CCDC158: variants seen among roughly 807,000 people sequenced by gnomAD.
CCDC158 encodes the protein coiled-coil domain-containing protein 158.
A neutral mutation model predicts 138.6 loss-of-function variants in CCDC158; 116 were observed. The observed-to-expected ratio is 0.84, with a 90% CI of 0.72 to 0.98. The LOEUF (loss-of-function observed/expected upper bound fraction) is 0.98. Among genes scored for constraint, CCDC158 ranks in the 50% least tolerant of loss-of-function variants. The probability of loss-of-function intolerance (pLI) is 0.00; values close to 1 mark genes in which losing one functional copy is unlikely to be tolerated. For missense variants in CCDC158, 1,265 were observed against 1,306.1 expected (o/e 0.97, Z 0.48); for synonymous variants, 436 against 442.4 (o/e 0.99, Z 0.18).
chr4:76,369,389 ATTGT>A, intron 11 of CCDC158, 33 bp downstream of exon 11: 2 of 1,596,278 alleles, frequency 1.3e-6, no homozygotes, highest in Non-Finnish European at 1.7e-6. Context: ...CCCAGAGGAG[ATTGT>A]TTGGCGATGG....
Position 76,403,210 on chromosome 4 carries a change from TA to T in CCDC158, c.-4del. The T allele has an allele frequency of 6.3e-7, 1 of 1,578,114 alleles. No homozygotes were observed. ...GATTCCCAAGCTTTTGATTCCATATTAAATATTGCTACTTCTTATTAGAGAT... is the reference window on the plus strand; with the variant it reads ...GATTCCCAAGCTTTTGATTCCATATTAATATTGCTACTTCTTATTAGAGAT... On this transcript the variant is annotated 5_prime_UTR_variant, in exon 3 of 25. Coordinates refer to ENST00000682701, the MANE Select transcript of CCDC158 (RefSeq NM_001394954.1).
intron 13 of CCDC158, among the ~76,000 whole-genome samples, chr4:76,360,074 G>C (rs1035881369): frequency 6.6e-6 from 1 of 152,246 alleles, no homozygotes; most frequent in East Asian, 1.9e-4. Context: ...AGCTGCTCCA[G>C]TTCCAACTCT....
intron 18 of CCDC158, among the ~76,000 whole-genome samples, chr4:76,339,358 T>C (rs566948126): frequency 6.6e-6 from 1 of 152,286 alleles, no homozygotes; most frequent in Admixed American, 6.5e-5. Context: ...GAAGCTGCAG[T>C]TCAAAAGGTG....
chr4:76,335,573 G>A (rs1220379517), intron 18 of CCDC158, among the ~76,000 whole-genome samples: 1 of 151,898 alleles, frequency 6.6e-6, no homozygotes, highest in Non-Finnish European at 1.5e-5. Flanking sequence ...AATACATAAG[G>A]TTTTTTTGTT....
intron 22 of CCDC158, among the ~76,000 whole-genome samples, chr4:76,327,309 TTTTA>T (rs1720617178): frequency 1.3e-5 from 2 of 152,210 alleles, no homozygotes; most frequent in African/African-American, 4.8e-5. Context: ...TTTGCAATTA[TTTTA>T]TTTAAGAATA....
intron 18 of CCDC158, among the ~76,000 whole-genome samples, chr4:76,338,103 C>CTGCA (rs1282114703): frequency 6.6e-6 from 1 of 152,222 alleles, no homozygotes; most frequent in Non-Finnish European, 1.5e-5. Flanking sequence ...CTCTTGTGAA[C>CTGCA]TGCACATGCA....
intron 18 of CCDC158, among the ~76,000 whole-genome samples, chr4:76,339,720 C>A (rs114979956): frequency 0.024 from 3,582 of 152,296 alleles, 136 homozygotes; most frequent in African/African-American, 0.082. Flanking sequence ...TTTCACTGCT[C>A]TGGTCAAAGA....
intron 4 of CCDC158, among the ~76,000 whole-genome samples, chr4:76,385,199 A>AT (rs1415581130): frequency 6.6e-6 from 1 of 152,202 alleles, no homozygotes; most frequent in Non-Finnish European, 1.5e-5. Flanking sequence ...AAGCCATCAA[A>AT]TTCTGCCCAT....
rs1228072538 is a variant in CCDC158 at position 76,384,086 on chromosome 4, A to C, written c.726+2T>G. The C allele has an allele frequency of 1.9e-6, 3 of 1,570,402 alleles. No homozygotes were observed. Among genetic ancestry groups the C allele is most frequent in the Non-Finnish European group, 2.6e-6 (3 of 1,146,266 alleles). On this transcript the variant is annotated splice_donor_variant, in intron 6 of 24. Transcript: ENST00000682701. LOFTEE classifies it high-confidence loss of function. ...TATTTAAGTAGCATTCTCACCACTT[A>C]CTGGAAATATCCTCCCTTTAAGATA...
chr4:76,382,542 A>G, intron 8 of CCDC158, 68 bp downstream of exon 8: 1 of 983,548 alleles, frequency 1.0e-6, no homozygotes, highest in Non-Finnish European at 1.6e-6. Context: ...AAGATTATAG[A>G]ACAGAAAGTT....
At chr4:76,332,539 A>G (rs759850100) in intron 19 of CCDC158, 48 bp from the exon 20 acceptor site, 2 of 1,389,272 alleles carry the variant, frequency 1.4e-6, no homozygotes, top group East Asian at 4.8e-5. Context: ...GCACAATTTC[A>G]TCCATGTCTT....
Position 76,325,907 on chromosome 4 carries a change from G to A in CCDC158, c.3119C>T (p.Thr1040Ile), listed in dbSNP as rs753467459. The A allele has an allele frequency of 1.9e-6, 3 of 1,613,628 alleles. No homozygotes were observed. The highest frequency in any genetic ancestry group is 4.5e-5 in the East Asian group (2 of 44,864). ...AGGTTTGGCAGATCTATACTGTGATGTGGAACCTATTGAACCTTCAACTGA... is the reference window on the plus strand; with the variant it reads ...AGGTTTGGCAGATCTATACTGTGATATGGAACCTATTGAACCTTCAACTGA... The part of the protein sequence containing the change: ...TSSVEGSIGS[T>I]SQYRSAKPIH... Residue 1040 changes from threonine to isoleucine, a missense_variant, in exon 23 of 25, where the codon ACA (threonine) becomes ATA (isoleucine). By Grantham distance (89) the Thr-to-Ile change is moderately conservative. Transcript: ENST00000682701.
chr4:76,367,693 C>A lies in CCDC158; in HGVS notation c.1431G>T (p.Leu477=). The A allele has an allele frequency of 6.2e-7, 1 of 1,614,126 alleles. No homozygotes were observed. Among genetic ancestry groups the A allele is most frequent in the Non-Finnish European group, 8.5e-7 (1 of 1,180,022 alleles). ...CTGTCAACTCTTCTACTACTTTGCG[C>A]AGCATCTCTTTGGTGGATTCAAGCT... ...TAQLESTKEM[L]RKVVEELTAK... Residue 477 remains leucine (L), a synonymous_variant, in exon 12 of 25, where the codon CTG becomes CTT. Transcript: ENST00000682701.
intron 18 of CCDC158, among the ~76,000 whole-genome samples, chr4:76,341,435 A>G (rs943587989): frequency 6.6e-6 from 1 of 152,240 alleles, no homozygotes; most frequent in Admixed American, 6.5e-5. Context: ...TACCATTTAC[A>G]TAATATATTA....
At chr4:76,386,695 G>T (rs948031943) in intron 4 of CCDC158, among the ~76,000 whole-genome samples, 1 of 137,712 alleles carries the variant, frequency 7.3e-6, no homozygotes, top group African/African-American at 2.7e-5. Context: ...ATTGAGGAGG[G>T]CAGGAGAGAC....
At chr4:76,386,048 T>C (rs2110319311) in intron 4 of CCDC158, among the ~76,000 whole-genome samples, 1 of 152,332 alleles carries the variant, frequency 6.6e-6, no homozygotes, top group Non-Finnish European at 1.5e-5. Flanking sequence ...TTCTCAGACA[T>C]GCAAAGATGC....
intron 20 of CCDC158, 56 bp from the exon 21 acceptor site, chr4:76,331,459 A>G: frequency 6.9e-7 from 1 of 1,454,432 alleles, no homozygotes; most frequent in Non-Finnish European, 9.6e-7. Flanking sequence ...TTCCTTACCA[A>G]TATAACAAAA....
In CCDC158 at chr4:76,382,595, T is replaced by C; in HGVS notation, c.914+15A>G. 1 of 1,490,062 alleles carries C rather than the reference T, an allele frequency of 6.7e-7. No homozygotes were observed. The highest frequency in any genetic ancestry group is 9.4e-7 in the Non-Finnish European group (1 of 1,069,198). 92.3% of individuals were successfully genotyped at this position (1,490,062 alleles called of 1,614,324 possible). ...TAAAATGAAGATGAATGACTAACAG[T>C]TTCAAACCACATACTGAATGATTTC... On this transcript the variant is annotated intron_variant, in intron 8 of 24. Transcript: ENST00000682701.
At chr4:76,416,113 C>A (rs1260041982) in intron 1 of CCDC158, among the ~76,000 whole-genome samples, 2 of 152,090 alleles carry the variant, frequency 1.3e-5, no homozygotes, top group South Asian at 2.1e-4. Flanking sequence ...CTCTGATAAG[C>A]AGAAATAATG....
Sources: gnomAD v4.1 joint callset for allele counts (sites outside exome capture counted in the v4.1 genomes callset) on GRCh38, gnomAD v4.1.1 for gene constraint, MANE v1.5 for transcripts, NCBI Gene and HGNC (gene_info 2026-07-23, HGNC 2026-07-21) for gene names.